RBFOX1: variants seen among roughly 807,000 people sequenced by gnomAD.
The protein encoded by RBFOX1 is RNA binding protein fox-1 homolog 1.
RBFOX1 carries 8 observed loss-of-function variants against 57.7 expected under a neutral mutation model. That is an observed-to-expected ratio of 0.14 (90% CI 0.08 to 0.25). The LOEUF is 0.25. Ranked by LOEUF, RBFOX1 falls within the 10% of genes least tolerant of loss-of-function variation. The pLI is 1.00. For synonymous variants in RBFOX1, 326 were observed against 222.4 expected, an observed-to-expected ratio of 1.47 and a Z score of -4.15; for missense variants, 611 against 548.5, an observed-to-expected ratio of 1.11 and a Z score of -1.14.
intron 2 of RBFOX1, among the ~76,000 whole-genome samples, chr16:6,624,681 C>T (rs568909466): frequency 6.6e-6 from 1 of 152,034 alleles, no homozygotes; most frequent in East Asian, 1.9e-4. Context: ...TTCTTGAGGT[C>T]ACCAGAAACT....
chr16:6,133,470 C>T (rs1179135769), intron 1 of RBFOX1, among the ~76,000 whole-genome samples: 1 of 152,218 alleles, frequency 6.6e-6, no homozygotes, highest in Non-Finnish European at 1.5e-5. Context: ...GCACCATGCC[C>T]AGTGCACCAC....
chr16:6,865,991 G>C (rs989179257), intron 3 of RBFOX1, among the ~76,000 whole-genome samples: 3 of 151,882 alleles, frequency 2.0e-5, no homozygotes, highest in African/African-American at 2.4e-5. Context: ...AAAACAATCG[G>C]GGAAAAAAGA....
chr16:6,308,638 C>T (rs1033058922), intron 1 of RBFOX1, among the ~76,000 whole-genome samples: 3 of 152,084 alleles, frequency 2.0e-5, no homozygotes, highest in African/African-American at 7.2e-5. Flanking sequence ...CTAGGCTGAG[C>T]CAGAGAGGCA....
At chr16:7,513,536 G>C (rs1326121456) in intron 4 of RBFOX1, among the ~76,000 whole-genome samples, 1 of 152,156 alleles carries the variant, frequency 6.6e-6, no homozygotes, top group African/African-American at 2.4e-5. Flanking sequence ...GTCTTTTGTG[G>C]TTCAAGGTAG....
intron 14 of RBFOX1, among the ~76,000 whole-genome samples, chr16:7,698,225 G>A (rs945092056): frequency 6.8e-6 from 1 of 147,898 alleles, no homozygotes; most frequent in Admixed American, 6.7e-5. Context: ...TATAAAGGGG[G>A]TAGGTGGAGG....
chr16:5,491,530 A>G (rs929673524), intron 2 of RBFOX1, among the ~76,000 whole-genome samples: 11 of 152,212 alleles, frequency 7.2e-5, no homozygotes, highest in African/African-American at 2.4e-4. Context: ...ATGGGTAAAT[A>G]TATTATAGAA....
chr16:5,814,824 G>A (rs1242817930), intron 3 of RBFOX1, among the ~76,000 whole-genome samples: 1 of 152,146 alleles, frequency 6.6e-6, no homozygotes, highest in East Asian at 1.9e-4. Flanking sequence ...AGCTACTCGG[G>A]AGGCTGAGGC....
intron 2 of RBFOX1, among the ~76,000 whole-genome samples, chr16:5,503,564 C>G (rs1051440334): frequency 1.3e-5 from 2 of 152,144 alleles, no homozygotes; most frequent in African/African-American, 4.8e-5. Context: ...GTGCCTTGGC[C>G]TCCTGAGTAG....
intron 3 of RBFOX1, among the ~76,000 whole-genome samples, chr16:5,863,123 C>A (rs1256708851): frequency 2.0e-5 from 3 of 152,148 alleles, no homozygotes; most frequent in Non-Finnish European, 4.4e-5. Context: ...CTCTTTATGT[C>A]TCCAATCTCA....
intron 4 of RBFOX1, among the ~76,000 whole-genome samples, chr16:5,937,477 C>T (rs7185816): frequency 0.34 from 51,831 of 151,572 alleles, 8,987 homozygotes; most frequent in Middle Eastern, 0.56. Context: ...CTGGAATAAG[C>T]AGGAATTTTT....
At chr16:7,465,877 C>G (rs1260975911) in intron 4 of RBFOX1, among the ~76,000 whole-genome samples, 1 of 152,200 alleles carries the variant, frequency 6.6e-6, no homozygotes, top group Non-Finnish European at 1.5e-5. Context: ...GTTATCTGTT[C>G]ATACATACAT....
At chr16:6,761,804 C>CCT (rs931384207) in intron 3 of RBFOX1, among the ~76,000 whole-genome samples, 5 of 151,890 alleles carry the variant, frequency 3.3e-5, no homozygotes, top group African/African-American at 9.7e-5. Context: ...CACGCCTGGC[C>CCT]CTCTCTCTCC....
chr16:5,399,848 G>A (rs1567450952), intron 1 of RBFOX1, among the ~76,000 whole-genome samples: 1 of 152,068 alleles, frequency 6.6e-6, no homozygotes, highest in Non-Finnish European at 1.5e-5. Flanking sequence ...AAGATGATTG[G>A]TTTTGAAGAT....
chr16:5,596,334 C>A (rs1483043013), intron 2 of RBFOX1, among the ~76,000 whole-genome samples: 1 of 152,184 alleles, frequency 6.6e-6, no homozygotes, highest in African/African-American at 2.4e-5. Flanking sequence ...TTAATTTTGA[C>A]TCAAACCTAA....
At position 7,685,588 on chromosome 16, in the gene RBFOX1, C is replaced by G. The variant is rs139687786; in HGVS notation, c.995+8750C>G. ...AGATGAAGAAGGTGAACATTATAAA[C>G]TGAAAGAGGTGGTGCAAATGTTATC... On this transcript the variant is annotated intron_variant, in intron 14 of 15. Coordinates refer to ENST00000550418, the MANE Select transcript of RBFOX1 (RefSeq NM_018723.4). Among the ~76,000 whole-genome samples the G allele has an allele frequency of 3.9e-5, 6 of 152,146 alleles. No individual in the cohort carries two copies. In the East Asian group the frequency reaches 1.2e-3, roughly 29 times the overall value.
intron 2 of RBFOX1, among the ~76,000 whole-genome samples, chr16:6,508,149 T>C (rs942823528): frequency 6.6e-6 from 1 of 151,940 alleles, no homozygotes; most frequent in African/African-American, 2.4e-5. Flanking sequence ...CACTTATAAG[T>C]GAGAGCTAAA....
chr16:7,271,821 G>GA lies in RBFOX1; in HGVS notation c.27+219735dup, dbSNP rs879820452. On this transcript the variant is annotated intron_variant, in intron 4 of 15. Transcript: ENST00000550418. ...TTGTAAATGTCTGGGTTTCACTCAG[G>GA]AAAAAAAAAAAATCTCAAAGCTATG... Among the ~76,000 whole-genome samples, 915 of 145,166 alleles carry GA rather than the reference G, an allele frequency of 6.3e-3. 9 individuals are homozygous for GA. Among genetic ancestry groups the GA allele is most frequent in the African/African-American group, 0.018 (712 of 39,900 alleles).
At chr16:6,568,604 C>G (rs1446976570) in intron 2 of RBFOX1, among the ~76,000 whole-genome samples, 2 of 152,128 alleles carry the variant, frequency 1.3e-5, no homozygotes, top group Non-Finnish European at 2.9e-5. Context: ...GGGATTATCT[C>G]AGGGCCATCT....
chr16:5,375,669 C>T (rs1412981988), intron 1 of RBFOX1, among the ~76,000 whole-genome samples: 24 of 152,136 alleles, frequency 1.6e-4, no homozygotes, highest in Non-Finnish European at 2.4e-4. Flanking sequence ...CAACTATGTG[C>T]CAGGCACTGT....
Sources: gnomAD v4.1 joint callset for allele counts (sites outside exome capture counted in the v4.1 genomes callset) on GRCh38, gnomAD v4.1.1 for gene constraint, MANE v1.5 for transcripts, NCBI Gene and HGNC (gene_info 2026-07-23, HGNC 2026-07-21) for gene names.